Variants in EFCAB6 observed in about 807,000 individuals in gnomAD.
The protein encoded by EFCAB6 is EF-hand calcium-binding domain-containing protein 6.
In EFCAB6, 156 loss-of-function variants were observed where a neutral mutation model predicts 169.8. That is an observed-to-expected ratio of 0.92 (90% CI 0.81 to 1.05). The LOEUF (loss-of-function observed/expected upper bound fraction) is 1.05, where lower values mean the gene tolerates loss of function less well. Among genes scored for constraint, EFCAB6 ranks in the 50% least tolerant of loss-of-function variants. The probability of loss-of-function intolerance (pLI) is 0.00; values close to 1 mark genes in which losing one functional copy is unlikely to be tolerated. For missense variants in EFCAB6, 1,800 were observed against 1,829.1 expected (o/e 0.98, Z 0.29); for synonymous variants, 698 against 676.4 (o/e 1.03, Z -0.50).
chr22:43,664,381 G>C (rs1278312750), intron 17 of EFCAB6, among the ~76,000 whole-genome samples: 1 of 152,200 alleles, frequency 6.6e-6, no homozygotes, highest in African/African-American at 2.4e-5. Flanking sequence ...ACACAAAAGA[G>C]ATCAAATGTC....
chr22:43,741,446 G>A (rs981748212), intron 6 of EFCAB6, among the ~76,000 whole-genome samples: 1 of 152,166 alleles, frequency 6.6e-6, no homozygotes, highest in African/African-American at 2.4e-5. Flanking sequence ...CGCTGCCGCT[G>A]AGGCCTTCCT....
chr22:43,784,979 G>C (rs1304253611), intron 2 of EFCAB6, among the ~76,000 whole-genome samples: 1 of 151,586 alleles, frequency 6.6e-6, no homozygotes, highest in Non-Finnish European at 1.5e-5. Context: ...TTTGAGAAAG[G>C]GCAAGTGAAG....
chr22:43,680,400 C>G (rs1170808543), intron 12 of EFCAB6, among the ~76,000 whole-genome samples: 3 of 151,648 alleles, frequency 2.0e-5, no homozygotes, highest in Non-Finnish European at 4.4e-5. Flanking sequence ...CTTTGTTCTT[C>G]TTTTCCAAGA....
At chr22:43,788,720 A>T (rs1180174381) in intron 2 of EFCAB6, among the ~76,000 whole-genome samples, 2 of 152,188 alleles carry the variant, frequency 1.3e-5, no homozygotes, top group African/African-American at 4.8e-5. Flanking sequence ...AAGCAATTTC[A>T]CTCCCAGGTA....
rs759081893 is a variant in EFCAB6 at position 43,528,995 on chromosome 22, G to A, written c.4384-20C>T. 6.4e-7 allele frequency: 1 copy of A among 1,553,512 alleles called. No individual in the cohort carries two copies. The highest frequency in any genetic ancestry group is 8.8e-7 in the Non-Finnish European group (1 of 1,135,610). ...CAGGACCTGGAAGACAGAGAAAAGGGGCCTCTGAGGCTTGTTTGGTGCCCT... is the reference window on the plus strand; with the variant it reads ...CAGGACCTGGAAGACAGAGAAAAGGAGCCTCTGAGGCTTGTTTGGTGCCCT... On this transcript the variant is annotated intron_variant, in intron 31 of 31. Transcript: ENST00000262726.
intron 10 of EFCAB6, among the ~76,000 whole-genome samples, chr22:43,689,832 G>A (rs1280600540): frequency 6.6e-6 from 1 of 152,174 alleles, no homozygotes; most frequent in Non-Finnish European, 1.5e-5. Context: ...TTTCAATCAA[G>A]CTTACATGTT....
intron 17 of EFCAB6, among the ~76,000 whole-genome samples, chr22:43,643,130 T>C (rs751636737): frequency 7.2e-5 from 11 of 152,186 alleles, no homozygotes; most frequent in Non-Finnish European, 1.3e-4. Flanking sequence ...GAGCATTTGA[T>C]TGAGGAGCTA....
At chr22:43,651,833 T>C (rs908797135) in intron 17 of EFCAB6, among the ~76,000 whole-genome samples, 2 of 152,220 alleles carry the variant, frequency 1.3e-5, no homozygotes, top group Non-Finnish European at 2.9e-5. Flanking sequence ...CCCCACTGGA[T>C]TTCAGACTTG....
At chr22:43,647,018 T>A (rs867505883) in intron 17 of EFCAB6, among the ~76,000 whole-genome samples, 18 of 152,340 alleles carry the variant, frequency 1.2e-4, no homozygotes, top group African/African-American at 4.1e-4. Context: ...GTAACAAATG[T>A]AGCATTCTGC....
intron 2 of EFCAB6, among the ~76,000 whole-genome samples, chr22:43,783,956 G>A (rs1399055963): frequency 6.6e-6 from 1 of 152,146 alleles, no homozygotes; most frequent in African/African-American, 2.4e-5. Context: ...CATGGTCTCA[G>A]CCACCAGGAG....
In EFCAB6 at chr22:43,668,784, A is replaced by G. The variant is rs75535603; in HGVS notation, c.1814+88T>C. Reference sequence around the variant, plus strand: ...TCTTATTTATAAAATGAAATATTAAAATACTCAGTTGACAAATAGTTACTA... The same window carrying G: ...TCTTATTTATAAAATGAAATATTAAGATACTCAGTTGACAAATAGTTACTA... On this transcript the variant is annotated intron_variant, in intron 16 of 31. Transcript: ENST00000262726. 4.0e-3 allele frequency: 4,879 copies of G among 1,220,240 alleles called. 145 individuals carry two copies. The African/African-American group carries it at 0.067, about 17-fold the overall frequency. The allele number at this position is 1,220,240 out of a possible 1,614,324, so 75.6% of individuals were successfully genotyped here.
At chr22:43,706,714 G>A (rs2058973130) in intron 10 of EFCAB6, among the ~76,000 whole-genome samples, 1 of 152,208 alleles carries the variant, frequency 6.6e-6, no homozygotes, top group Non-Finnish European at 1.5e-5. Context: ...TAAAAGTGCT[G>A]TTTGCTTTCT....
chr22:43,618,619 C>T (rs1374523973), intron 20 of EFCAB6, among the ~76,000 whole-genome samples: 3 of 152,250 alleles, frequency 2.0e-5, no homozygotes, highest in Middle Eastern at 3.4e-3. Flanking sequence ...CAAGAGCAGT[C>T]CTAATTCTGG....
intron 21 of EFCAB6, 104 bp from the exon 22 acceptor site, chr22:43,608,704 TC>T: frequency 2.0e-6 from 2 of 1,024,656 alleles, no homozygotes; most frequent in South Asian, 2.8e-5. Flanking sequence ...GGCATCTGTA[TC>T]CCCATCCACC....
chr22:43,667,042 T>C, intron 17 of EFCAB6, 62 bp downstream of exon 17: 1 of 1,551,160 alleles, frequency 6.4e-7, no homozygotes. Context: ...TTAAAGTATG[T>C]TAGTATAAGA....
chr22:43,585,875 G>A (rs1275171002), intron 24 of EFCAB6, among the ~76,000 whole-genome samples: 1 of 152,172 alleles, frequency 6.6e-6, no homozygotes, highest in Non-Finnish European at 1.5e-5. Flanking sequence ...AATATTTGCA[G>A]TGTTGAAATA....
intron 11 of EFCAB6, 89 bp downstream of exon 11, chr22:43,687,382 T>C (rs2058237237): frequency 3.8e-6 from 3 of 791,366 alleles, no homozygotes; most frequent in Non-Finnish European, 5.7e-6. Context: ...ATTCAATAAA[T>C]GCAGAAAAAG....
At chr22:43,679,402 T>G (rs2057912929) in intron 12 of EFCAB6, among the ~76,000 whole-genome samples, 1 of 152,252 alleles carries the variant, frequency 6.6e-6, no homozygotes, top group Non-Finnish European at 1.5e-5. Flanking sequence ...GGTGGACATT[T>G]GGATTGTTTC....
chr22:43,807,550 A>T (rs2062963601), intron 2 of EFCAB6, among the ~76,000 whole-genome samples: 1 of 152,200 alleles, frequency 6.6e-6, no homozygotes, highest in Non-Finnish European at 1.5e-5. Flanking sequence ...TTATATCAGA[A>T]TCATAACAAA....
Sources: gnomAD v4.1 joint callset for allele counts (sites outside exome capture counted in the v4.1 genomes callset) on GRCh38, gnomAD v4.1.1 for gene constraint, MANE v1.5 for transcripts, NCBI Gene and HGNC (gene_info 2026-07-23, HGNC 2026-07-21) for gene names.